The following CUBN variants were observed in gnomAD, a reference collection of about 807,000 sequenced individuals.
CUBN encodes the protein cubilin.
A neutral mutation model predicts 405.3 loss-of-function variants in CUBN; 282 were observed. The observed-to-expected ratio is 0.70, with a 90% CI of 0.63 to 0.77. CUBN has a LOEUF of 0.77. Ranked by LOEUF, CUBN falls within the 30% of genes least tolerant of loss-of-function variation. The pLI, the probability that CUBN is intolerant of heterozygous loss-of-function variation, is 0.00. For synonymous variants in CUBN, 1,684 were observed against 1,617.0 expected (o/e 1.04, Z -0.99); for missense variants, 4,514 against 4,475.2 (o/e 1.01, Z -0.25).
rs1330119056 is a variant in CUBN at position 16,954,388 on chromosome 10, C to T, written c.4855+1G>A. The T allele has an allele frequency of 1.9e-6, 3 of 1,613,962 alleles. No individual in the cohort carries two copies. The highest frequency in any genetic ancestry group is 2.2e-5 in the South Asian group (2 of 91,084). On this transcript the variant is annotated splice_donor_variant, in intron 32 of 66. Coordinates refer to ENST00000377833, the MANE Select transcript of CUBN (RefSeq NM_001081.4). LOFTEE classifies it high-confidence loss of function. The stretch of plus-strand genomic sequence containing the variant: ...CCTGGGAAGATCCACAGGGTACTTG[C>T]CTTGCCTGAATTGAGCTCGGAAGCC...
intron 31 of CUBN, chr10:16,966,032 A>G: frequency 2.1e-6 from 1 of 469,712 alleles, no homozygotes. Context: ...TTGAGAGACC[A>G]TGATTCTGTG....
chr10:16,848,337 G>C (rs1019897520), intron 60 of CUBN, among the ~76,000 whole-genome samples: 1 of 151,924 alleles, frequency 6.6e-6, no homozygotes, highest in Non-Finnish European at 1.5e-5. Flanking sequence ...TAGTTTTTAA[G>C]AAAAAGAAAT....
chr10:16,887,806 C>G (rs1840864580), intron 56 of CUBN, among the ~76,000 whole-genome samples: 1 of 151,996 alleles, frequency 6.6e-6, no homozygotes, highest in African/African-American at 2.4e-5. Context: ...TCATAATGGC[C>G]AAGACATGGA....
chr10:16,837,180 A>G (rs1390568211), intron 62 of CUBN, among the ~76,000 whole-genome samples: 3 of 151,496 alleles, frequency 2.0e-5, no homozygotes, highest in Non-Finnish European at 4.4e-5. Flanking sequence ...ACTGTCAGTC[A>G]TTCTCGGTAT....
At chr10:16,984,062 G>A in intron 30 of CUBN, 43 bp downstream of exon 30, 1 of 1,605,398 alleles carries the variant, frequency 6.2e-7, no homozygotes, top group Non-Finnish European at 8.5e-7. Flanking sequence ...ATTTAACGAG[G>A]GCTCGGCTTA....
chr10:17,012,805 C>A (rs1283694475), intron 28 of CUBN, among the ~76,000 whole-genome samples: 1 of 152,246 alleles, frequency 6.6e-6, no homozygotes, highest in African/African-American at 2.4e-5. Flanking sequence ...ATTTTCCTAA[C>A]TCTGCTTCCA....
Position 16,925,751 on chromosome 10 carries a change from C to A in CUBN, c.6295G>T (p.Asp2099Tyr). Residue 2099 changes from aspartate to tyrosine, a missense_variant, in exon 42 of 67, where the codon GAC (aspartate) becomes TAC (tyrosine). Physicochemically the swap from Asp to Tyr is radical, Grantham distance 160. Around this residue, in one of 5 missense-constraint regions of CUBN, gnomAD observed 1,613 missense variants for 1,542.8 expected, o/e 1.05. Coordinates refer to ENST00000377833, the MANE Select transcript of CUBN (RefSeq NM_001081.4). ...HKSCGGYLHA[D>Y]RGIITSPKYP... ...TTGGGGGACGTGATGATCCCTCTGT[C>A]TGCATGCAAATATCCACCGCAGCCT... The A allele has an allele frequency of 5.6e-6, 9 of 1,613,948 alleles. No homozygotes were observed. Among genetic ancestry groups the A allele is most frequent in the Non-Finnish European group, 7.6e-6 (9 of 1,179,916 alleles).
intron 64 of CUBN, among the ~76,000 whole-genome samples, chr10:16,833,383 C>CCTT (rs1202464753): frequency 6.6e-6 from 1 of 152,154 alleles, no homozygotes; most frequent in African/African-American, 2.4e-5. Flanking sequence ...GGCGAGTATT[C>CCTT]CTTTAGAAAA....
At chr10:16,911,186 C>T (rs1461533637) in intron 48 of CUBN, among the ~76,000 whole-genome samples, 8 of 152,064 alleles carry the variant, frequency 5.3e-5, no homozygotes, top group Admixed American at 5.2e-4. Context: ...ATGCATAAAA[C>T]CCAAGAAAAT....
chr10:17,036,377 G>GGGAGCA (rs1390740304), intron 27 of CUBN, among the ~76,000 whole-genome samples: 1 of 152,206 alleles, frequency 6.6e-6, no homozygotes, highest in Non-Finnish European at 1.5e-5. Context: ...GGAACAGTCA[G>GGGAGCA]GGAGCAGGAG....
At chr10:16,967,757 T>C (rs1380792138) in intron 31 of CUBN, among the ~76,000 whole-genome samples, 1 of 124,412 alleles carries the variant, frequency 8.0e-6, no homozygotes, top group Non-Finnish European at 1.7e-5. Flanking sequence ...AAGGGAAAGA[T>C]AAGAAGAGAA....
At chr10:17,057,105 C>T (rs1417970786) in intron 22 of CUBN, among the ~76,000 whole-genome samples, 1 of 152,110 alleles carries the variant, frequency 6.6e-6, no homozygotes, top group Non-Finnish European at 1.5e-5. Context: ...ATTGGGACTC[C>T]ACCCAGGAAG....
intron 29 of CUBN, among the ~76,000 whole-genome samples, chr10:16,987,839 T>C (rs1833470075): frequency 6.6e-6 from 1 of 152,208 alleles, no homozygotes; most frequent in Admixed American, 6.5e-5. Context: ...TTGAACAAAA[T>C]GTCAGAGGGT....
chr10:16,859,300 A>C (rs576685589), intron 59 of CUBN, among the ~76,000 whole-genome samples: 2 of 152,352 alleles, frequency 1.3e-5, no homozygotes, highest in Admixed American at 6.5e-5. Flanking sequence ...CAATTCAATT[A>C]GAAAATGGGT....
chr10:17,117,706 A>C (rs1272237113), intron 6 of CUBN, among the ~76,000 whole-genome samples: 2 of 152,220 alleles, frequency 1.3e-5, no homozygotes, highest in African/African-American at 4.8e-5. Flanking sequence ...CTGGGATTAC[A>C]GGCGTGAGCC....
intron 54 of CUBN, among the ~76,000 whole-genome samples, chr10:16,894,808 T>A (rs1191992245): frequency 6.6e-6 from 1 of 152,230 alleles, no homozygotes; most frequent in Non-Finnish European, 1.5e-5. Flanking sequence ...CTTTACTATG[T>A]TGAGTCTTCC....
intron 54 of CUBN, among the ~76,000 whole-genome samples, chr10:16,896,757 G>A (rs1841194413): frequency 6.6e-6 from 1 of 152,148 alleles, no homozygotes; most frequent in Non-Finnish European, 1.5e-5. Context: ...TGTTCTTTCA[G>A]CTGCACTCTC....
chr10:17,094,547 T>G (rs1836331796), intron 14 of CUBN, among the ~76,000 whole-genome samples: 1 of 152,002 alleles, frequency 6.6e-6, no homozygotes. Flanking sequence ...ATGAACAAAC[T>G]AATTCAGTAA....
In CUBN at chr10:16,877,115, C is replaced by T; in HGVS notation, c.8906-18G>A. 1.2e-6 allele frequency: 2 copies of T among 1,606,692 alleles called. No individual in the cohort carries two copies. Among genetic ancestry groups the T allele is most frequent in the Non-Finnish European group, 1.7e-6 (2 of 1,175,768 alleles). ...GGAACGAGCTGGAAAAGGCATGGAA[C>T]AACCGCATTATGATCAGAACCTACA... On this transcript the variant is annotated intron_variant, in intron 56 of 66. Coordinates refer to ENST00000377833, the MANE Select transcript of CUBN (RefSeq NM_001081.4).
Sources: allele counts gnomAD v4.1 joint callset (sites outside exome capture counted in the v4.1 genomes callset), GRCh38; gene constraint gnomAD v4.1.1; regional missense constraint gnomAD v4.1.1; transcripts MANE v1.5; gene names NCBI Gene and HGNC (gene_info 2026-07-23, HGNC 2026-07-21).